SYNE2: variants seen among roughly 807,000 people sequenced by gnomAD.
SYNE2 encodes spectrin repeat containing nuclear envelope protein 2.
In SYNE2, 431 loss-of-function variants were observed where a neutral mutation model predicts 856.3. That is an observed-to-expected ratio of 0.50 (90% confidence interval 0.47 to 0.55). The LOEUF is 0.55. Among genes scored for constraint, SYNE2 ranks in the 20% least tolerant of loss-of-function variants. The probability of loss-of-function intolerance (pLI) is 0.00; values close to 1 mark genes in which losing one functional copy is unlikely to be tolerated. For missense variants in SYNE2, 8,129 were observed against 8,023.2 expected, an observed-to-expected ratio of 1.01 and a Z score of -0.50; for synonymous variants, 2,923 against 2,872.3, an observed-to-expected ratio of 1.02 and a Z score of -0.56.
At position 63,795,699 on chromosome 14, in the gene SYNE2, C is replaced by T. The variant is rs758149742; in HGVS notation, c.-305+33713C>T. On this transcript the variant is annotated intron_variant, in intron 1 of 23. Transcript: ENST00000674003. Reference sequence around the variant, plus strand: ...AAGCATGAGCCACTGTGCCCAGCAACGTGAATGTTCACAGCAGTGTGATTC... The same window carrying T: ...AAGCATGAGCCACTGTGCCCAGCAATGTGAATGTTCACAGCAGTGTGATTC... Among the ~76,000 whole-genome samples the T allele has an allele frequency of 5.3e-5, 8 of 152,078 alleles. No individual in the cohort carries two copies. The South Asian group carries it at 6.2e-4, about 12-fold the overall frequency.
rs1349120400 is a variant in SYNE2, at chr14:64,224,768, A to AT, written c.20469+225dup. On this transcript the variant is annotated intron_variant, in intron 114 of 115. Coordinates refer to ENST00000555002, the MANE Select transcript of SYNE2 (RefSeq NM_182914.3). ...ATAGTGTCGCTAAAGGGGTTCCCTG[A>AT]TTTTGCCATTAAAAACTTCAACACA... 2.0e-5 allele frequency among the ~76,000 whole-genome samples: 3 copies of AT among 152,192 alleles called. No homozygotes were observed. The East Asian group carries it at 5.8e-4, about 29-fold the overall frequency.
At chr14:64,135,823 C>G (rs1025080422) in intron 78 of SYNE2, among the ~76,000 whole-genome samples, 1 of 152,160 alleles carries the variant, frequency 6.6e-6, no homozygotes, top group South Asian at 2.1e-4. Context: ...ATTCTCAGTT[C>G]AGAATCAAGG....
chr14:63,885,045 G>A (rs1252563603), intron 1 of SYNE2, among the ~76,000 whole-genome samples: 2 of 152,102 alleles, frequency 1.3e-5, no homozygotes, highest in African/African-American at 2.4e-5. Context: ...AGAAAGACTC[G>A]GTGCCCAGCC....
intron 92 of SYNE2, 68 bp downstream of exon 92, chr14:64,167,707 A>C (rs1231211285): frequency 6.2e-7 from 1 of 1,606,632 alleles, no homozygotes; most frequent in Non-Finnish European, 8.5e-7. Flanking sequence ...AGATAGCTTT[A>C]AATAAAACAC....
intron 112 of SYNE2, among the ~76,000 whole-genome samples, chr14:64,222,530 C>T (rs1049448514): frequency 6.6e-6 from 1 of 152,110 alleles, no homozygotes; most frequent in Non-Finnish European, 1.5e-5. Context: ...CATGGTGAAA[C>T]CCTGTCTCTA....
chr14:63,922,290 C>T (rs2095609820), intron 2 of SYNE2, among the ~76,000 whole-genome samples: 1 of 152,196 alleles, frequency 6.6e-6, no homozygotes, highest in African/African-American at 2.4e-5. Flanking sequence ...CAGGCACAAG[C>T]CCCCAGACCC....
chr14:63,893,422 G>A (rs1763752970), intron 1 of SYNE2, among the ~76,000 whole-genome samples: 1 of 152,004 alleles, frequency 6.6e-6, no homozygotes, highest in Non-Finnish European at 1.5e-5. Flanking sequence ...TAAGAAATTA[G>A]CTGGGCGTGG....
intron 1 of SYNE2, among the ~76,000 whole-genome samples, chr14:63,837,796 G>A (rs552936788): frequency 1.3e-5 from 2 of 151,758 alleles, no homozygotes; most frequent in South Asian, 4.2e-4. Context: ...CCATGGGCCT[G>A]TAGTCCCAGC....
intron 1 of SYNE2, among the ~76,000 whole-genome samples, chr14:63,769,086 G>A (rs1036067714): frequency 6.6e-6 from 1 of 152,086 alleles, no homozygotes; most frequent in Non-Finnish European, 1.5e-5. Context: ...ACCAGCCTGG[G>A]CAATACAGTG....
rs369356794 is a variant in SYNE2, at chr14:64,148,790, A to T, written c.15639+2567A>T. On this transcript the variant is annotated intron_variant, in intron 84 of 115. Transcript: ENST00000555002. Reference sequence around the variant, plus strand: ...CCCCATGTAGCATCATGTGTCAGAGACTGTACTGGGCTCATCTGTCCACGG... The same window carrying T: ...CCCCATGTAGCATCATGTGTCAGAGTCTGTACTGGGCTCATCTGTCCACGG... Among the ~76,000 whole-genome samples, 5 of 152,220 alleles carry T rather than the reference A, an allele frequency of 3.3e-5. No homozygotes were observed. The East Asian group carries it at 5.8e-4, about 18-fold the overall frequency.
At position 64,053,550 on chromosome 14, in the gene SYNE2, G is replaced by C; in HGVS notation, c.9637G>C (p.Glu3213Gln). The part of the protein sequence containing the change: ...MCSIKAVTAI[E>Q]KQREENSSEA... ...TAGTATTAAAGCTGTGACTGCTATT[G>C]AGAAACAAAGAGAAGAAAACTCTTC... Residue 3213 changes from glutamate to glutamine, a missense_variant, in exon 48 of 116, where the codon GAG becomes CAG. Glu to Gln is a conservative substitution (Grantham distance 29). Transcript: ENST00000555002. The C allele has an allele frequency of 6.2e-7, 1 of 1,614,212 alleles. No homozygotes were observed.
chr14:63,983,074 A>G (rs2096598883), intron 17 of SYNE2, among the ~76,000 whole-genome samples: 1 of 152,182 alleles, frequency 6.6e-6, no homozygotes, highest in Non-Finnish European at 1.5e-5. Context: ...AAATCATATA[A>G]TATGTGATGT....
At chr14:63,913,292 G>A (rs997080103) in intron 2 of SYNE2, among the ~76,000 whole-genome samples, 2 of 152,010 alleles carry the variant, frequency 1.3e-5, no homozygotes, top group African/African-American at 4.8e-5. Flanking sequence ...GAAGAGGATG[G>A]TGTTGGACTG....
chr14:64,174,459 ACACAT>A (rs1371383030), intron 94 of SYNE2, among the ~76,000 whole-genome samples: 3 of 152,262 alleles, frequency 2.0e-5, no homozygotes, highest in Non-Finnish European at 2.9e-5. Context: ...CCTTTGGGGC[ACACAT>A]CAATGTACAT....
chr14:63,993,267 C>A (rs2096683758), intron 21 of SYNE2, among the ~76,000 whole-genome samples: 1 of 152,198 alleles, frequency 6.6e-6, no homozygotes, highest in Admixed American at 6.5e-5. Flanking sequence ...CACCTATAAT[C>A]CCAGCATTTT....
intron 1 of SYNE2, among the ~76,000 whole-genome samples, chr14:63,838,871 C>T (rs1259228017): frequency 3.9e-5 from 6 of 151,938 alleles, no homozygotes; most frequent in Non-Finnish European, 1.5e-5. Flanking sequence ...AGTAGAAATT[C>T]TCTGTCTTAA....
At chr14:63,907,031 T>A (rs372618713) in intron 1 of SYNE2, among the ~76,000 whole-genome samples, 1 of 152,100 alleles carries the variant, frequency 6.6e-6, no homozygotes, top group Non-Finnish European at 1.5e-5. Flanking sequence ...TACCGTGACA[T>A]TGGGGATTAG....
chr14:63,963,220 C>G (rs1030472634), intron 9 of SYNE2, among the ~76,000 whole-genome samples: 1 of 152,010 alleles, frequency 6.6e-6, no homozygotes, highest in Non-Finnish European at 1.5e-5. Flanking sequence ...AGGAGCTATT[C>G]TTTTCTAACT....
intron 87 of SYNE2, among the ~76,000 whole-genome samples, chr14:64,161,355 AAAAG>A (rs1033262076): frequency 6.6e-6 from 1 of 152,126 alleles, no homozygotes; most frequent in Non-Finnish European, 1.5e-5. Context: ...GAAAAAAAAA[AAAAG>A]TAGGGAAGAA....
Sources: gnomAD v4.1 joint callset for allele counts (sites outside exome capture counted in the v4.1 genomes callset) on GRCh38, gnomAD v4.1.1 for gene constraint, MANE v1.5 for transcripts, NCBI Gene and HGNC (gene_info 2026-07-23, HGNC 2026-07-21) for gene names.